The following TTC21B variants were observed in gnomAD, a reference collection of about 807,000 sequenced individuals.
The protein encoded by TTC21B is tetratricopeptide repeat protein 21B.
Under a neutral mutation model 175.1 loss-of-function variants are expected in TTC21B, and 127 were observed. The observed-to-expected ratio is 0.73, with a 90% CI of 0.63 to 0.84. The LOEUF is 0.84. TTC21B is among the 40% of genes least tolerant of loss of function. The pLI is 0.00. For synonymous variants in TTC21B, 524 were observed against 524.5 expected (o/e 1.00, Z 0.01); for missense variants, 1,561 against 1,558.3 (o/e 1.00, Z -0.03).
intron 1 of TTC21B, among the ~76,000 whole-genome samples, chr2:165,952,026 T>A (rs1687776732): frequency 6.6e-6 from 1 of 152,126 alleles, no homozygotes; most frequent in African/African-American, 2.4e-5. Flanking sequence ...TTTTCATGAT[T>A]CTTGAGGAAG....
rs139668120 is a variant in TTC21B, at chr2:165,901,725, A to G, written c.2754T>C (p.Asn918=). 2.5e-5 allele frequency: 40 copies of G among 1,613,506 alleles called. No individual in the cohort carries two copies. Among genetic ancestry groups the G allele is most frequent in the Non-Finnish European group, 3.0e-5 (35 of 1,179,530 alleles). ...AAAATTTTATAAAGGTACTGACCTT[A>G]TTATCTGTTTCGCAGTGAACCAGAG... ...REALVHCETD[N]KIMLELARLY... The change falls in exon 20 of 29, where the codon AAT becomes AAC. Residue 918 remains asparagine (N), a synonymous_variant. Transcript: ENST00000243344.
Position 165,880,738 on chromosome 2 carries a change from T to C in TTC21B, c.3746A>G (p.Asp1249Gly), listed in dbSNP as rs1176766633. 6.2e-7 allele frequency: 1 copy of C among 1,613,534 alleles called. No homozygotes were observed. Among genetic ancestry groups the C allele is most frequent in the Non-Finnish European group, 8.5e-7 (1 of 1,179,788 alleles). The change falls in exon 27 of 29, where the codon GAT (aspartate) becomes GGT (glycine). Residue 1249 changes from aspartate (D) to glycine (G), a missense_variant. Asp to Gly is a moderately conservative substitution (Grantham distance 94). Transcript: ENST00000243344. Reference sequence around the variant, plus strand: ...TGCCATCTCATAGTTCAAGGCAGCATCTGTATATGCTTGCTCTTTTTCCAT... The same window carrying C: ...TGCCATCTCATAGTTCAAGGCAGCACCTGTATATGCTTGCTCTTTTTCCAT... The part of the protein sequence containing the change: ...YIMEKEQAYT[D>G]AALNYEMAWK...
chr2:165,943,368 C>CT, intron 4 of TTC21B, 27 bp from the exon 5 acceptor site: 1 of 1,558,528 alleles, frequency 6.4e-7, no homozygotes, highest in Non-Finnish European at 8.8e-7. Context: ...TCTATTTTTA[C>CT]TTTTTTAGAA....
At chr2:165,899,323 A>G (rs1685474732) in intron 21 of TTC21B, among the ~76,000 whole-genome samples, 1 of 152,182 alleles carries the variant, frequency 6.6e-6, no homozygotes, top group Admixed American at 6.5e-5. Context: ...TAGCCCACGT[A>G]AAAATAAGAA....
At chr2:165,916,149 G>C (rs972656151) in intron 14 of TTC21B, among the ~76,000 whole-genome samples, 3 of 152,180 alleles carry the variant, frequency 2.0e-5, no homozygotes, top group Non-Finnish European at 4.4e-5. Flanking sequence ...GCATGGCCCA[G>C]CTACTTGAGA....
At chr2:165,876,301 C>T (rs1022235367) in intron 27 of TTC21B, 69 bp from the exon 28 acceptor site, 8 of 970,842 alleles carry the variant, frequency 8.2e-6, no homozygotes, top group Non-Finnish European at 1.3e-5. Context: ...CTTGCCTCCT[C>T]CTCTCTTTGC....
chr2:165,876,440 GA>G (rs1684666742), intron 27 of TTC21B, among the ~76,000 whole-genome samples: 1 of 152,128 alleles, frequency 6.6e-6, no homozygotes, highest in East Asian at 1.9e-4. Flanking sequence ...AGTGGAGTTG[GA>G]AAAAAGGACC....
At chr2:165,903,332 G>A (rs1208796341) in intron 19 of TTC21B, among the ~76,000 whole-genome samples, 1 of 152,182 alleles carries the variant, frequency 6.6e-6, no homozygotes, top group Non-Finnish European at 1.5e-5. Context: ...GAAGGAAAGA[G>A]AATGAGGGAT....
At chr2:165,922,566 C>CAAAAAAAAAAAAAAAAAA (rs71031215) in intron 12 of TTC21B, among the ~76,000 whole-genome samples, 2 of 97,428 alleles carry the variant, frequency 2.1e-5, no homozygotes, top group African/African-American at 3.9e-5. Flanking sequence ...ATTAAAAAGT[C>CAAAAAAAAAAAAAAAAAA]AAAAAAAAAA....
intron 22 of TTC21B, among the ~76,000 whole-genome samples, chr2:165,895,596 G>A (rs1685335451): frequency 6.6e-6 from 1 of 152,160 alleles, no homozygotes; most frequent in Non-Finnish European, 1.5e-5. Context: ...CTTTTAAATG[G>A]TAGTTTAGAG....
chr2:165,897,438 T>C (rs1049704739), intron 22 of TTC21B, among the ~76,000 whole-genome samples: 1 of 152,070 alleles, frequency 6.6e-6, no homozygotes, highest in Non-Finnish European at 1.5e-5. Flanking sequence ...AAAGGTTAAC[T>C]GTGAGGTCTG....
At chr2:165,920,936 C>T (rs529542324) in intron 12 of TTC21B, among the ~76,000 whole-genome samples, 13 of 152,180 alleles carry the variant, frequency 8.5e-5, no homozygotes, top group African/African-American at 3.1e-4. Flanking sequence ...ACATTTCAGT[C>T]CTGTCTGTCT....
chr2:165,940,114 A>G (rs1190529569), intron 6 of TTC21B, among the ~76,000 whole-genome samples: 1 of 152,108 alleles, frequency 6.6e-6, no homozygotes, highest in Non-Finnish European at 1.5e-5. Context: ...GAATCACCTT[A>G]AACTATTCTT....
At chr2:165,941,242 A>T in intron 5 of TTC21B, 58 bp from the exon 6 acceptor site, 2 of 1,580,988 alleles carry the variant, frequency 1.3e-6, no homozygotes, top group Non-Finnish European at 8.7e-7. Context: ...CAAAGTTCTC[A>T]TAACGCAGAG....
At chr2:165,945,850 A>G (rs553947075) in intron 3 of TTC21B, among the ~76,000 whole-genome samples, 160 bp from the exon 4 acceptor site, 19 of 152,360 alleles carry the variant, frequency 1.2e-4, no homozygotes, top group African/African-American at 4.3e-4. Context: ...ATTTTCTAGT[A>G]GCACTATCAA....
intron 22 of TTC21B, among the ~76,000 whole-genome samples, chr2:165,897,202 G>C: frequency 6.6e-6 from 1 of 152,154 alleles, no homozygotes; most frequent in East Asian, 1.9e-4. Context: ...GGGTATCTCT[G>C]CCATTTTCAA....
At chr2:165,875,756 A>G (rs951363763) in intron 28 of TTC21B, among the ~76,000 whole-genome samples, 1 of 151,984 alleles carries the variant, frequency 6.6e-6, no homozygotes, top group African/African-American at 2.4e-5. Flanking sequence ...CTGTCTTCAA[A>G]TATCTTCTAA....
Position 165,874,504 on chromosome 2 carries a change from C to G in TTC21B, c.*251G>C. ...TATTCTTTATAGAAATAATTATAGTCTTTACCACAGAGTCACCAAATCTGT... is the reference window on the plus strand; with the variant it reads ...TATTCTTTATAGAAATAATTATAGTGTTTACCACAGAGTCACCAAATCTGT... On this transcript the variant is annotated 3_prime_UTR_variant, in exon 29 of 29. Transcript: ENST00000243344. 1 of 397,180 alleles carries G rather than the reference C, an allele frequency of 2.5e-6. No individual in the cohort carries two copies. The highest frequency in any genetic ancestry group is 4.6e-6 in the Non-Finnish European group (1 of 216,392). The allele number at this position is 397,180 out of a possible 1,614,324, so 24.6% of individuals were successfully genotyped here.
chr2:165,883,776 TA>T lies in TTC21B; in HGVS notation c.3684+17del. On this transcript the variant is annotated intron_variant, in intron 26 of 28. Coordinates refer to ENST00000243344, the MANE Select transcript of TTC21B (RefSeq NM_024753.5). ...GCAACAAAGGTCAATAATTATTTTTTACTCTTCAATCACCTACTCTATTATG... is the reference window on the plus strand; with the variant it reads ...GCAACAAAGGTCAATAATTATTTTTTCTCTTCAATCACCTACTCTATTATG... 2 of 1,588,978 alleles carry T rather than the reference TA, an allele frequency of 1.3e-6. No homozygotes were observed. The highest frequency in any genetic ancestry group is 8.6e-7 in the Non-Finnish European group (1 of 1,157,148).
Sources: allele counts gnomAD v4.1 joint callset (sites outside exome capture counted in the v4.1 genomes callset), GRCh38; gene constraint gnomAD v4.1.1; transcripts MANE v1.5; gene names NCBI Gene and HGNC (gene_info 2026-07-23, HGNC 2026-07-21).